ROBO2: variants seen among roughly 807,000 people sequenced by gnomAD.
ROBO2 encodes the protein roundabout homolog 2.
A neutral mutation model predicts 160.8 loss-of-function variants in ROBO2; 53 were observed. The ratio of observed to expected loss-of-function variants is 0.33; its 90% CI spans 0.26 to 0.41. ROBO2 has a LOEUF of 0.41. ROBO2 is among the 10% of genes least tolerant of loss of function. The probability of loss-of-function intolerance (pLI) is 1.00; values close to 1 mark genes in which losing one functional copy is unlikely to be tolerated. For missense variants in ROBO2, 1,577 were observed against 1,722.4 expected (o/e 0.92, Z 1.49); for synonymous variants, 664 against 611.7 (o/e 1.09, Z -1.26).
In ROBO2 at chr3:76,531,879, C is replaced by A. The variant is rs531419026; in HGVS notation, c.110-566135C>A. ...TTTACTGTCATTATCATATTTAATT[C>A]TTCCCCAACTCCCAAAACAGGTTTA... On this transcript the variant is annotated intron_variant, in intron 2 of 26. Transcript: ENST00000487694. Among the ~76,000 whole-genome samples the A allele has an allele frequency of 3.3e-5, 5 of 152,168 alleles. No individual in the cohort carries two copies. In the South Asian group the frequency reaches 1.0e-3, roughly 32 times the overall value.
At chr3:76,109,208 TG>T (rs1375957612) in intron 2 of ROBO2, among the ~76,000 whole-genome samples, 1 of 151,632 alleles carries the variant, frequency 6.6e-6, no homozygotes, top group East Asian at 1.9e-4. Flanking sequence ...AAATGAGTTT[TG>T]TAATTACATT....
intron 6 of ROBO2, among the ~76,000 whole-genome samples, chr3:77,536,671 C>T (rs1330173645): frequency 1.3e-5 from 2 of 151,866 alleles, no homozygotes; most frequent in South Asian, 4.2e-4. Context: ...ATCTTAGTAC[C>T]CTCTGACAGA....
At chr3:76,698,232 G>A (rs1316911918) in intron 2 of ROBO2, among the ~76,000 whole-genome samples, 1 of 152,210 alleles carries the variant, frequency 6.6e-6, no homozygotes, top group African/African-American at 2.4e-5. Flanking sequence ...AAGCCCTGAA[G>A]CATTCCTGGG....
intron 2 of ROBO2, among the ~76,000 whole-genome samples, chr3:77,467,349 T>A (rs867629791): frequency 6.6e-6 from 1 of 152,148 alleles, no homozygotes; most frequent in African/African-American, 2.4e-5. Flanking sequence ...GAGGAAGGAA[T>A]GCAGAGAGTT....
At chr3:76,862,560 G>A (rs909453187) in intron 2 of ROBO2, among the ~76,000 whole-genome samples, 2 of 151,996 alleles carry the variant, frequency 1.3e-5, no homozygotes, top group Non-Finnish European at 2.9e-5. Flanking sequence ...GATGATAAAC[G>A]GAAGGAATCC....
chr3:76,340,333 G>C (rs2074148963), intron 2 of ROBO2, among the ~76,000 whole-genome samples: 1 of 152,024 alleles, frequency 6.6e-6, no homozygotes, highest in South Asian at 2.1e-4. Context: ...AACCTTGTGG[G>C]ATAGAACAGT....
At chr3:76,613,964 GTGTA>G in intron 2 of ROBO2, among the ~76,000 whole-genome samples, 1 of 151,178 alleles carries the variant, frequency 6.6e-6, no homozygotes, top group East Asian at 1.9e-4. Context: ...TTTTTCATGG[GTGTA>G]TGCATGCATG....
chr3:76,295,862 A>G (rs1401430338), intron 2 of ROBO2, among the ~76,000 whole-genome samples: 2 of 152,166 alleles, frequency 1.3e-5, no homozygotes, highest in Admixed American at 6.5e-5. Flanking sequence ...CTTTAGCTTA[A>G]AAACTTATAG....
intron 2 of ROBO2, among the ~76,000 whole-genome samples, chr3:76,661,996 GT>G (rs2091842156): frequency 1.3e-5 from 2 of 152,116 alleles, no homozygotes; most frequent in Admixed American, 1.3e-4. Flanking sequence ...TTGGTATCTT[GT>G]TTCTACAAAG....
At chr3:77,132,031 G>A (rs12487190) in intron 2 of ROBO2, among the ~76,000 whole-genome samples, 6,772 of 152,092 alleles carry the variant, frequency 0.045, 192 homozygotes, top group East Asian at 0.093. Context: ...TTTAAAATAT[G>A]TTTAAACTGG....
intron 2 of ROBO2, among the ~76,000 whole-genome samples, chr3:76,560,083 C>T (rs1013065759): frequency 2.0e-5 from 3 of 151,930 alleles, no homozygotes; most frequent in Non-Finnish European, 4.4e-5. Flanking sequence ...TAATTTGCTT[C>T]TCTTTTATTT....
At chr3:77,193,856 C>T (rs929769370) in intron 2 of ROBO2, among the ~76,000 whole-genome samples, 3 of 151,870 alleles carry the variant, frequency 2.0e-5, no homozygotes, top group African/African-American at 4.8e-5. Flanking sequence ...TGAAGCCTAC[C>T]CCCTCCTTTT....
rs76970251 is a variant in ROBO2 at position 76,126,706 on chromosome 3, C to T, written c.109+189104C>T. 6.3e-3 allele frequency among the ~76,000 whole-genome samples: 962 copies of T among 152,186 alleles called. 12 individuals are homozygous for T. The highest frequency in any genetic ancestry group is 0.022 in the African/African-American group (933 of 41,560). ...ATTCTATGGAATTAGAAACTACATT[C>T]TCCTTACTTTTGAGGGAATACAGTA... On this transcript the variant is annotated intron_variant, in intron 2 of 26. Coordinates refer to the ROBO2 transcript ENST00000487694.
At chr3:75,963,107 A>G (rs142282688) in intron 2 of ROBO2, among the ~76,000 whole-genome samples, 69 of 152,006 alleles carry the variant, frequency 4.5e-4, no homozygotes, top group African/African-American at 1.6e-3. Flanking sequence ...TAAAAGAGAA[A>G]AATCAGAGCA....
intron 2 of ROBO2, among the ~76,000 whole-genome samples, chr3:75,998,069 A>T (rs1418963817): frequency 6.6e-6 from 1 of 152,184 alleles, no homozygotes; most frequent in South Asian, 2.1e-4. Context: ...AATTCTTTAG[A>T]TTATATTTAT....
chr3:76,268,317 C>A (rs376072224), intron 2 of ROBO2, among the ~76,000 whole-genome samples: 43 of 152,070 alleles, frequency 2.8e-4, no homozygotes, highest in African/African-American at 9.9e-4. Flanking sequence ...TATAAGCTAG[C>A]TGCCTGTTGG....
exon 14 of ROBO2, chr3:77,574,516 G>A: frequency 6.2e-7 from 1 of 1,613,280 alleles, no homozygotes; most frequent in South Asian, 1.1e-5. Flanking sequence ...GCCAACCCCA[G>A]TTTATCCAAG....
intron 2 of ROBO2, among the ~76,000 whole-genome samples, chr3:77,336,325 G>GT (rs1326305929): frequency 3.9e-5 from 6 of 152,030 alleles, no homozygotes; most frequent in African/African-American, 1.4e-4. Context: ...GCAAAAGATT[G>GT]TAACATTTAT....
intron 2 of ROBO2, among the ~76,000 whole-genome samples, chr3:76,895,649 A>G (rs1413371483): frequency 6.6e-6 from 1 of 152,170 alleles, no homozygotes; most frequent in Admixed American, 6.6e-5. Flanking sequence ...CATAACTAGC[A>G]AAGCTAAGGT....
Sources: gnomAD v4.1 joint callset for allele counts (sites outside exome capture counted in the v4.1 genomes callset) on GRCh38, gnomAD v4.1.1 for gene constraint, MANE v1.5 for transcripts, NCBI Gene and HGNC (gene_info 2026-07-23, HGNC 2026-07-21) for gene names.